The following LRRC7 variants were observed in gnomAD, a reference collection of about 807,000 sequenced individuals.
LRRC7 encodes leucine rich repeat containing 7.
A neutral mutation model predicts 175.7 loss-of-function variants in LRRC7; 23 were observed. The ratio of observed to expected loss-of-function variants is 0.13; its 90% confidence interval spans 0.09 to 0.19. The LOEUF (loss-of-function observed/expected upper bound fraction) is 0.19, where lower values mean the gene tolerates loss of function less well. Among genes scored for constraint, LRRC7 ranks in the 10% least tolerant of loss-of-function variants. The pLI is 1.00. For synonymous variants in LRRC7, 685 were observed against 680.9 expected, an observed-to-expected ratio of 1.01 and a Z score of -0.09; for missense variants, 1,354 against 1,904.7, an observed-to-expected ratio of 0.71 and a Z score of 5.38.
At chr1:69,902,010 A>G (rs2101670534) in intron 7 of LRRC7, among the ~76,000 whole-genome samples, 1 of 152,322 alleles carries the variant, frequency 6.6e-6, no homozygotes, top group African/African-American at 2.4e-5. Context: ...AAATTGTATG[A>G]TAGAATGTAT....
At chr1:69,593,703 A>G (rs1557450886) in intron 1 of LRRC7, among the ~76,000 whole-genome samples, 3 of 152,160 alleles carry the variant, frequency 2.0e-5, no homozygotes, top group Admixed American at 6.6e-5. Context: ...TTAGGTGTAC[A>G]TATTTACAGC....
intron 4 of LRRC7, among the ~76,000 whole-genome samples, chr1:69,799,102 G>GT (rs34579269): frequency 0.031 from 4,274 of 136,080 alleles, 146 homozygotes; most frequent in African/African-American, 0.086. Context: ...CTGAATGCTA[G>GT]TTTTTTTTTT....
At chr1:69,766,879 T>C (rs930035910) in intron 3 of LRRC7, among the ~76,000 whole-genome samples, 2 of 152,188 alleles carry the variant, frequency 1.3e-5, no homozygotes, top group Admixed American at 6.6e-5. Flanking sequence ...TGTCTTTTTT[T>C]CTTAAAAGTT....
At chr1:69,989,590 G>T (rs531740252) in intron 10 of LRRC7, among the ~76,000 whole-genome samples, 2 of 152,122 alleles carry the variant, frequency 1.3e-5, no homozygotes, top group South Asian at 4.1e-4. Context: ...TATTAAAAAT[G>T]AGTTAAGAGA....
chr1:69,981,369 A>G (rs1653410331), intron 9 of LRRC7, among the ~76,000 whole-genome samples: 1 of 152,242 alleles, frequency 6.6e-6, no homozygotes, highest in South Asian at 2.1e-4. Context: ...CTGTCTTTGA[A>G]TAAGCATAAG....
intron 5 of LRRC7, 64 bp from the exon 6 acceptor site, chr1:69,834,716 A>T: frequency 3.3e-6 from 4 of 1,195,022 alleles, no homozygotes; most frequent in Non-Finnish European, 4.9e-6. Context: ...AGAGATACAT[A>T]TTTTTTTTGT....
intron 4 of LRRC7, among the ~76,000 whole-genome samples, chr1:69,809,711 A>G (rs1677584708): frequency 6.6e-6 from 1 of 152,224 alleles, no homozygotes; most frequent in Non-Finnish European, 1.5e-5. Flanking sequence ...AAGACCTTCA[A>G]CAAAATTCAA....
chr1:69,658,601 G>A (rs1432631280), intron 1 of LRRC7, among the ~76,000 whole-genome samples: 1 of 151,800 alleles, frequency 6.6e-6, no homozygotes, highest in Non-Finnish European at 1.5e-5. Context: ...ATTCTTTGGA[G>A]TAAAATACAC....
At chr1:70,008,211 G>A (rs1215787585) in intron 11 of LRRC7, among the ~76,000 whole-genome samples, 2 of 152,104 alleles carry the variant, frequency 1.3e-5, no homozygotes, top group Admixed American at 6.5e-5. Context: ...GGCCCATCTC[G>A]CCTTTTCACA....
At chr1:69,887,529 T>G (rs957972264) in intron 7 of LRRC7, among the ~76,000 whole-genome samples, 3 of 150,906 alleles carry the variant, frequency 2.0e-5, no homozygotes, top group Middle Eastern at 3.2e-3. Context: ...CTAAATTTTT[T>G]TCAAAGTTTT....
chr1:70,005,025 G>GT lies in LRRC7; in HGVS notation c.1005-6761dup, dbSNP rs372645848. Among the ~76,000 whole-genome samples, 860 of 146,516 alleles carry GT rather than the reference G, an allele frequency of 5.9e-3. 8 individuals are homozygous for GT. Among genetic ancestry groups the GT allele is most frequent in the African/African-American group, 0.019 (777 of 40,286 alleles). On this transcript the variant is annotated intron_variant, in intron 11 of 26. Coordinates refer to ENST00000651989, the MANE Select transcript of LRRC7 (RefSeq NM_001370785.2). ...TTCAGAAATAGATTGTTCAAGATTC[G>GT]TTTTTTTTTTTCCAGGTACTCTACC...
At chr1:69,718,591 C>T (rs1666003626) in intron 2 of LRRC7, among the ~76,000 whole-genome samples, 1 of 151,694 alleles carries the variant, frequency 6.6e-6, no homozygotes, top group Non-Finnish European at 1.5e-5. Context: ...ATAGAAGCTG[C>T]CAGAATTTTA....
chr1:69,586,462 G>A (rs914522207), intron 1 of LRRC7, among the ~76,000 whole-genome samples: 2 of 152,078 alleles, frequency 1.3e-5, no homozygotes, highest in Non-Finnish European at 2.9e-5. Flanking sequence ...TCTTCAGGGT[G>A]TCTGGCATGA....
Position 69,969,518 on chromosome 1 carries a change from T to TA in LRRC7, c.712-10854dup, listed in dbSNP as rs1196407523. Among the ~76,000 whole-genome samples the TA allele has an allele frequency of 3.3e-5, 5 of 152,012 alleles. No homozygotes were observed. The East Asian group carries it at 9.7e-4, about 29-fold the overall frequency. ...GACAAAAACTTTAAAGCAACAGTAT[T>TA]AAAAAAAGAGAAAGAGGGTCATTAT... On this transcript the variant is annotated intron_variant, in intron 8 of 26. Coordinates refer to ENST00000651989, the MANE Select transcript of LRRC7 (RefSeq NM_001370785.2).
intron 8 of LRRC7, among the ~76,000 whole-genome samples, chr1:69,945,355 G>A (rs1649194848): frequency 6.6e-6 from 1 of 151,860 alleles, no homozygotes; most frequent in African/African-American, 2.4e-5. Flanking sequence ...TATTTCATTG[G>A]TCTATGTGTC....
chr1:69,612,748 C>T (rs1648969189), intron 1 of LRRC7, among the ~76,000 whole-genome samples: 1 of 152,030 alleles, frequency 6.6e-6, no homozygotes. Flanking sequence ...GTAACCGTAA[C>T]TGAAACATAT....
At position 69,986,406 on chromosome 1, in the gene LRRC7, T is replaced by C; in HGVS notation, c.931+20T>C. 1 of 1,596,238 alleles carries C rather than the reference T, an allele frequency of 6.3e-7. No individual in the cohort carries two copies. Among genetic ancestry groups the C allele is most frequent in the South Asian group, 1.1e-5 (1 of 89,170 alleles). On this transcript the variant is annotated intron_variant, in intron 10 of 26. Coordinates refer to ENST00000651989, the MANE Select transcript of LRRC7 (RefSeq NM_001370785.2). ...CTATAGGTGAGAATATAATATTTTG[T>C]CACAAATATTTATGTCAAATATACC...
intron 1 of LRRC7, among the ~76,000 whole-genome samples, chr1:69,652,366 A>G (rs1436707290): frequency 1.3e-5 from 2 of 152,106 alleles, no homozygotes; most frequent in Admixed American, 1.3e-4. Context: ...TCAAAAAGGA[A>G]ATTAAGAAAC....
chr1:70,133,540 T>TA lies in LRRC7; in HGVS notation c.*11655dup, dbSNP rs928140429. Among the ~76,000 whole-genome samples, 1 of 152,134 alleles carries TA rather than the reference T, an allele frequency of 6.6e-6. No individual in the cohort carries two copies. Among genetic ancestry groups the TA allele is most frequent in the African/African-American group, 2.4e-5 (1 of 41,426 alleles). ...ATGCCCCTTGTGCTGATACAATTGCTAACAACACCCCTTTCCTTTCTCCTT... is the reference window on the plus strand; with the variant it reads ...ATGCCCCTTGTGCTGATACAATTGCTAAACAACACCCCTTTCCTTTCTCCTT... On this transcript the variant is annotated 3_prime_UTR_variant, in exon 27 of 27. Coordinates refer to ENST00000651989, the MANE Select transcript of LRRC7 (RefSeq NM_001370785.2).
Sources: gnomAD v4.1 joint callset for allele counts (sites outside exome capture counted in the v4.1 genomes callset) on GRCh38, gnomAD v4.1.1 for gene constraint, MANE v1.5 for transcripts, NCBI Gene and HGNC (gene_info 2026-07-23, HGNC 2026-07-21) for gene names.